The following ANKRD30A variants were observed in gnomAD, a reference collection of about 807,000 sequenced individuals.
The protein encoded by ANKRD30A is ankyrin repeat domain-containing protein 30A.
Under a neutral mutation model 166.3 loss-of-function variants are expected in ANKRD30A, and 170 were observed. The observed-to-expected ratio is 1.02, with a 90% CI of 0.90 to 1.16. The LOEUF (loss-of-function observed/expected upper bound fraction) is 1.16, where lower values mean the gene tolerates loss of function less well. ANKRD30A is among the 50% of genes most tolerant of loss of function. The probability of loss-of-function intolerance (pLI) is 0.00; values close to 1 mark genes in which losing one functional copy is unlikely to be tolerated. For synonymous variants in ANKRD30A, 564 were observed against 508.9 expected (o/e 1.11, Z -1.46); for missense variants, 1,630 against 1,518.0 (o/e 1.07, Z -1.23).
the ANKRD30A span, among the ~76,000 whole-genome samples, chr10:37,247,164 T>C: frequency 1.3e-5 from 2 of 152,178 alleles, no homozygotes; most frequent in African/African-American, 4.8e-5. Flanking sequence ...GGGTTAGCTT[T>C]ATTGGCAGAA....
intron 31 of ANKRD30A, among the ~76,000 whole-genome samples, chr10:37,211,463 T>G (rs1020851775): frequency 6.6e-6 from 1 of 152,130 alleles, no homozygotes; most frequent in African/African-American, 2.4e-5. Context: ...GGACATGAAC[T>G]CATCATTTTT....
intron 27 of ANKRD30A, among the ~76,000 whole-genome samples, chr10:37,193,544 T>C (rs1229377536): frequency 2.0e-5 from 3 of 151,940 alleles, no homozygotes; most frequent in Admixed American, 6.6e-5. Flanking sequence ...GGTTTTAAGG[T>C]AGGTGAATTT....
intron 31 of ANKRD30A, among the ~76,000 whole-genome samples, chr10:37,206,988 A>G (rs541303849): frequency 1.6e-4 from 25 of 152,252 alleles, no homozygotes; most frequent in Non-Finnish European, 3.1e-4. Flanking sequence ...TGTTGAATAC[A>G]TATTTCAATA....
chr10:37,249,971 C>T, the ANKRD30A span, among the ~76,000 whole-genome samples: 63 of 151,920 alleles, frequency 4.1e-4, no homozygotes, highest in Admixed American at 2.8e-3. Context: ...AGAATTAAAC[C>T]CAGGAATGGG....
At chr10:37,232,695 A>AGAGAGAGAGAGAGAGAGAGAG (rs1564604874), downstream of ANKRD30A, 2 of 10,838 alleles carry the variant, frequency 1.8e-4, no homozygotes, top group African/African-American at 2.4e-4. Context: ...TATATATATA[A>AGAGAGAGAGAGAGAGAGAGAG]ATAGAGAGAG....
chr10:37,245,185 G>T, the ANKRD30A span, among the ~76,000 whole-genome samples: 1 of 151,830 alleles, frequency 6.6e-6, no homozygotes, highest in African/African-American at 2.4e-5. Flanking sequence ...TCAAGTATTT[G>T]GTATAGTTGA....
chr10:37,165,602 T>C (rs1839261549), intron 18 of ANKRD30A, among the ~76,000 whole-genome samples: 1 of 152,028 alleles, frequency 6.6e-6, no homozygotes, highest in East Asian at 1.9e-4. Context: ...GACTTGAACA[T>C]ATTGACATAT....
At chr10:37,249,507 A>T in the ANKRD30A span, among the ~76,000 whole-genome samples, 26 of 152,264 alleles carry the variant, frequency 1.7e-4, no homozygotes, top group Non-Finnish European at 3.4e-4. Context: ...TATTTAAAGT[A>T]GAGGAAATTC....
In ANKRD30A at chr10:37,165,161, G is replaced by A. The variant is rs773327257; in HGVS notation, c.2064+6G>A. ...AAAATTCTTGGGATACTGAGGTACT[G>A]TGTGTTGTTGATTTTTTTAAATATT... On this transcript the variant is annotated splice_donor_region_variant and intron_variant, in intron 18 of 35. Transcript: ENST00000361713. 9.4e-6 allele frequency: 15 copies of A among 1,602,852 alleles called. No individual in the cohort carries two copies. In the Admixed American group the frequency reaches 1.0e-4, roughly 11 times the overall value.
At chr10:37,213,268 T>A (rs1344403327) in intron 31 of ANKRD30A, among the ~76,000 whole-genome samples, 2 of 152,024 alleles carry the variant, frequency 1.3e-5, no homozygotes, top group African/African-American at 4.8e-5. Flanking sequence ...GATGTCTGAA[T>A]AGGTACCACT....
the ANKRD30A span, among the ~76,000 whole-genome samples, chr10:37,239,894 C>G: frequency 6.6e-6 from 1 of 152,096 alleles, no homozygotes; most frequent in African/African-American, 2.4e-5. Context: ...AGGATAGTTT[C>G]TCTTCTTAAA....
At chr10:37,213,042 G>A (rs1842419195) in intron 31 of ANKRD30A, among the ~76,000 whole-genome samples, 1 of 151,754 alleles carries the variant, frequency 6.6e-6, no homozygotes, top group Non-Finnish European at 1.5e-5. Context: ...GAGCTAGTTT[G>A]GCTAGATAGA....
intron 34 of ANKRD30A, among the ~76,000 whole-genome samples, chr10:37,223,947 T>A (rs1379710995): frequency 1.3e-5 from 2 of 151,218 alleles, no homozygotes; most frequent in Non-Finnish European, 3.0e-5. Flanking sequence ...TATTTCAATA[T>A]TTTAGAACTT....
At chr10:37,212,257 C>A (rs1842372676) in intron 31 of ANKRD30A, among the ~76,000 whole-genome samples, 1 of 152,026 alleles carries the variant, frequency 6.6e-6, no homozygotes, top group Admixed American at 6.6e-5. Flanking sequence ...CATGAGTGAA[C>A]TCCCATTCAC....
chr10:37,136,618 A>G lies in ANKRD30A; in HGVS notation c.767A>G (p.Gln256Arg). Residue 256 changes from glutamine to arginine, a missense_variant, in exon 6 of 36, where the codon CAA becomes CGA. Gln to Arg is a conservative substitution (Grantham distance 43). This residue lies in a region of ANKRD30A where 904 missense variants were observed against 818.5 expected (regional missense o/e 1.10). Transcript: ENST00000361713. The part of the protein sequence containing the change: ...VTCGFHHIHE[Q>R]IMEYIRKLSK... ...ATTTTTATACATAGCATTCATGAAC[A>G]AATTATGGAATATATACGAAAATTA... The G allele has an allele frequency of 3.6e-6, 5 of 1,385,728 alleles. No individual in the cohort carries two copies. The highest frequency in any genetic ancestry group is 1.8e-4 in the Middle Eastern group (1 of 5,490). The allele number at this position is 1,385,728 out of a possible 1,614,324, so 85.8% of individuals were successfully genotyped here.
In ANKRD30A at chr10:37,204,491, G is replaced by A. The variant is rs149438089; in HGVS notation, c.2869+3166G>A. Among the ~76,000 whole-genome samples the A allele has an allele frequency of 3.8e-3, 582 of 152,240 alleles. 3 individuals are homozygous for A. The highest frequency in any genetic ancestry group is 0.013 in the African/African-American group (554 of 41,548). ...TTCAAGATGGATTAAAGACTTAAAT[G>A]TTAGACCTAAAACCATAAAAACCCT... On this transcript the variant is annotated intron_variant, in intron 31 of 35. Coordinates refer to ENST00000361713, the MANE Select transcript of ANKRD30A (RefSeq NM_052997.3).
chr10:37,162,559 A>G, intron 15 of ANKRD30A, 90 bp from the exon 16 acceptor site: 1 of 1,509,322 alleles, frequency 6.6e-7, no homozygotes, highest in Non-Finnish European at 9.2e-7. Flanking sequence ...TTGGAGCAAG[A>G]GGAGTCAGTT....
chr10:37,218,932 A>T (rs1014750028), intron 33 of ANKRD30A, 48 bp from the exon 34 acceptor site: 2 of 1,214,200 alleles, frequency 1.6e-6, no homozygotes, highest in Non-Finnish European at 2.3e-6. Context: ...GAACCATGAT[A>T]TGCCATTTTA....
intron 31 of ANKRD30A, among the ~76,000 whole-genome samples, chr10:37,201,894 C>T (rs1186185295): frequency 6.6e-6 from 1 of 152,040 alleles, no homozygotes; most frequent in South Asian, 2.1e-4. Context: ...GTCTGCATGG[C>T]CACACATGTA....
Sources: allele counts gnomAD v4.1 joint callset (sites outside exome capture counted in the v4.1 genomes callset), GRCh38; gene constraint gnomAD v4.1.1; regional missense constraint gnomAD v4.1.1; transcripts MANE v1.5; gene names NCBI Gene and HGNC (gene_info 2026-07-23, HGNC 2026-07-21).